RBCK1: variants seen among roughly 807,000 people sequenced by gnomAD.
RBCK1 encodes the protein ranBP-type and C3HC4-type zinc finger-containing protein 1.
A neutral mutation model predicts 71.1 loss-of-function variants in RBCK1; 44 were observed. The observed-to-expected ratio is 0.62, with a 90% CI of 0.49 to 0.80. The LOEUF (loss-of-function observed/expected upper bound fraction) is 0.80, where lower values mean the gene tolerates loss of function less well. Ranked by LOEUF, RBCK1 falls within the 30% of genes least tolerant of loss-of-function variation. The pLI is 0.00. For synonymous variants in RBCK1, 306 were observed against 279.7 expected (o/e 1.09, Z -0.94); for missense variants, 569 against 685.0 (o/e 0.83, Z 1.89).
At chr20:409,123 G>A (rs1568546990) in intron 1 of RBCK1, among the ~76,000 whole-genome samples, 1 of 152,218 alleles carries the variant, frequency 6.6e-6, no homozygotes, top group Non-Finnish European at 1.5e-5. Flanking sequence ...ACCTAGGGTT[G>A]TAGAACGGAA....
Position 408,469 on chromosome 20 carries a change from G to T in RBCK1, c.-289G>T. 2 of 526,934 alleles carry T rather than the reference G, an allele frequency of 3.8e-6. No individual in the cohort carries two copies. The highest frequency in any genetic ancestry group is 3.5e-5 in the East Asian group (1 of 28,424). 32.6% of individuals were successfully genotyped at this position (526,934 alleles called of 1,614,324 possible). ...GGTGGTGTCCGGGCGTCCTTTCCCC[G>T]CTTCTTCCCACCTCGGCTGGTCCCG... On this transcript the variant is annotated 5_prime_UTR_variant, in exon 1 of 12. Transcript: ENST00000356286.
intron 2 of RBCK1, among the ~76,000 whole-genome samples, chr20:416,265 C>T (rs1333361536): frequency 4.0e-5 from 6 of 151,342 alleles, no homozygotes; most frequent in African/African-American, 1.5e-4. Context: ...ACACCATTCT[C>T]CTGCCTCAAT....
intron 11 of RBCK1, among the ~76,000 whole-genome samples, 178 bp downstream of exon 11, chr20:429,272 G>C (rs2122340853): frequency 6.6e-6 from 1 of 151,828 alleles, no homozygotes; most frequent in East Asian, 1.9e-4. Flanking sequence ...TGTTGCCCAG[G>C]CTGGAGTGCA....
At chr20:415,453 C>T (rs2015930297) in intron 2 of RBCK1, among the ~76,000 whole-genome samples, 3 of 152,264 alleles carry the variant, frequency 2.0e-5, no homozygotes, top group South Asian at 4.1e-4. Flanking sequence ...TCCGCTAATG[C>T]CCTGTTTATA....
At chr20:410,639 TAAGGG>T in intron 2 of RBCK1, 1 of 751,936 alleles carries the variant, frequency 1.3e-6, no homozygotes. Flanking sequence ...GTTCGCTTGG[TAAGGG>T]AAGGGAAGAG....
intron 2 of RBCK1, among the ~76,000 whole-genome samples, chr20:414,618 G>C (rs2015888823): frequency 6.6e-6 from 1 of 152,074 alleles, no homozygotes; most frequent in South Asian, 2.1e-4. Context: ...AAAAAATTTT[G>C]TTTTCTAACA....
At chr20:419,312 G>C (rs1187340983) in intron 4 of RBCK1, 35 bp from the exon 5 acceptor site, 1 of 1,610,744 alleles carries the variant, frequency 6.2e-7, no homozygotes, top group Admixed American at 1.7e-5. Flanking sequence ...CAAGTGGGCC[G>C]CGTGGAACCA....
At chr20:416,362 GT>G (rs1265660581) in intron 2 of RBCK1, among the ~76,000 whole-genome samples, 1 of 151,508 alleles carries the variant, frequency 6.6e-6, no homozygotes, top group Non-Finnish European at 1.5e-5. Context: ...GGTTTTCACC[GT>G]GTTAGCCAGG....
At chr20:423,106 CCTGA>C (rs1469152122) in intron 8 of RBCK1, among the ~76,000 whole-genome samples, 4 of 152,172 alleles carry the variant, frequency 2.6e-5, no homozygotes, top group Admixed American at 6.5e-5. Flanking sequence ...TCGAGATCAG[CCTGA>C]CTAACATGGA....
At chr20:425,596 T>C (rs913277578) in intron 8 of RBCK1, among the ~76,000 whole-genome samples, 6 of 151,832 alleles carry the variant, frequency 4.0e-5, no homozygotes, top group African/African-American at 7.3e-5. Context: ...TTTGTAATAC[T>C]CCTTCAAGGA....
In RBCK1 at chr20:428,874, T is replaced by A. The variant is rs1411171305; in HGVS notation, c.1309-77T>A. On this transcript the variant is annotated intron_variant, in intron 10 of 11. Transcript: ENST00000356286. This position sits in a 1 kb window ranked among gnomAD's most constrained non-coding sequence, Gnocchi z 5.7. ...CCACAGCTCTAGAGGGTCACCACCT[T>A]CTCCCTGCCATGGGGAGGGGCCAGG... 8 of 1,503,674 alleles carry A rather than the reference T, an allele frequency of 5.3e-6. No homozygotes were observed. The highest frequency in any genetic ancestry group is 1.4e-5 in the African/African-American group (1 of 72,004). The allele number at this position is 1,503,674 out of a possible 1,614,324, so 93.1% of individuals were successfully genotyped here. A position where few individuals can be genotyped will look rare whatever the true frequency, so the allele number is the denominator to read the frequency against.
Position 408,665 on chromosome 20 carries a change from T to A in RBCK1, c.-93T>A. 1 of 1,538,498 alleles carries A rather than the reference T, an allele frequency of 6.5e-7. No homozygotes were observed. The highest frequency in any genetic ancestry group is 1.4e-5 in the African/African-American group (1 of 73,618). On this transcript the variant is annotated 5_prime_UTR_variant, in exon 1 of 12. An upstream open reading frame in the 5' UTR gains an earlier in-frame stop. Coordinates refer to ENST00000356286, the MANE Select transcript of RBCK1 (RefSeq NM_031229.4). Reference sequence around the variant, plus strand: ...CGGAGGCCACACGGCCTGGCTGAGTTGCTCCTGGTCTCCCGCCTCTCCCAG... The same window carrying A: ...CGGAGGCCACACGGCCTGGCTGAGTAGCTCCTGGTCTCCCGCCTCTCCCAG...
chr20:409,170 C>G (rs1182645870), intron 1 of RBCK1, among the ~76,000 whole-genome samples: 3 of 152,216 alleles, frequency 2.0e-5, no homozygotes, highest in Non-Finnish European at 2.9e-5. Context: ...TCCCATGCCC[C>G]TCTGTGTTCT....
chr20:414,992 C>T (rs972943064), intron 2 of RBCK1, among the ~76,000 whole-genome samples: 18 of 152,166 alleles, frequency 1.2e-4, no homozygotes, highest in Non-Finnish European at 2.6e-4. Context: ...AATTGTTTAC[C>T]TGAAGAATTT....
At chr20:425,623 A>ATTTTTTTTTTTTTTTTTTTTTTTTTTTT (rs200677519) in intron 8 of RBCK1, among the ~76,000 whole-genome samples, 1 of 130,068 alleles carries the variant, frequency 7.7e-6, no homozygotes, top group Non-Finnish European at 1.6e-5. Flanking sequence ...TGCATGGTGT[A>ATTTTTTTTTTTTTTTTTTTTTTTTTTTT]TTCTTTTTTT....
rs1338626209 is a variant in RBCK1, at chr20:423,775, C to T, written c.1029+1537C>T. ...GGCTGGACTTACCTGGATGGTTCTT[C>T]TGGTCTGGGCAGGGCCTCGCTGATT... On this transcript the variant is annotated intron_variant, in intron 8 of 11. Transcript: ENST00000356286. 3.9e-5 allele frequency among the ~76,000 whole-genome samples: 6 copies of T among 152,296 alleles called. No individual in the cohort carries two copies. The South Asian group carries it at 1.0e-3, about 26-fold the overall frequency.
Position 421,267 on chromosome 20 carries a change from T to TC in RBCK1, c.917+236_917+237insC, listed in dbSNP as rs546843845. Among the ~76,000 whole-genome samples, 570 of 152,156 alleles carry TC rather than the reference T, an allele frequency of 3.7e-3. 5 individuals are homozygous for TC. The highest frequency in any genetic ancestry group is 0.013 in the African/African-American group (538 of 41,506). On this transcript the variant is annotated intron_variant, in intron 7 of 11. Transcript: ENST00000356286. ...AGCAGCCTAGACGTGAGCGCAGGCG[T>TC]GGGGGGAGACTCCCTTCCCCTCTAC...
chr20:427,763 C>T (rs2016812367), intron 9 of RBCK1, among the ~76,000 whole-genome samples: 1 of 152,152 alleles, frequency 6.6e-6, no homozygotes, highest in African/African-American at 2.4e-5. Flanking sequence ...TGACCCCAGT[C>T]ACAGACTGAA....
At chr20:426,020 C>A (rs1325748486) in intron 8 of RBCK1, among the ~76,000 whole-genome samples, 1 of 152,160 alleles carries the variant, frequency 6.6e-6, no homozygotes, top group African/African-American at 2.4e-5. Context: ...AACGTTATTG[C>A]CACATTGCTT....
Sources: gnomAD v4.1 joint callset for allele counts (sites outside exome capture counted in the v4.1 genomes callset) on GRCh38, gnomAD v4.1.1 for gene constraint, Gnocchi (gnomAD v3.1) non-coding constraint, MANE v1.5 for transcripts, NCBI Gene and HGNC (gene_info 2026-07-23, HGNC 2026-07-21) for gene names.